Variants in TBC1D32 observed in about 807,000 individuals in gnomAD.
The protein encoded by TBC1D32 is protein broad-minded.
A neutral mutation model predicts 170.3 loss-of-function variants in TBC1D32; 151 were observed. The ratio of observed to expected loss-of-function variants is 0.89; its 90% CI spans 0.78 to 1.01. TBC1D32 has a LOEUF of 1.01. Among genes scored for constraint, TBC1D32 ranks in the 50% least tolerant of loss-of-function variants. The probability of loss-of-function intolerance (pLI) is 0.00; values close to 1 mark genes in which losing one functional copy is unlikely to be tolerated. For missense variants in TBC1D32, 1,464 were observed against 1,457.1 expected (o/e 1.00, Z -0.08); for synonymous variants, 498 against 488.0 (o/e 1.02, Z -0.27).
At chr6:121,169,323 A>T (rs1381257968) in intron 22 of TBC1D32, among the ~76,000 whole-genome samples, 1 of 152,192 alleles carries the variant, frequency 6.6e-6, no homozygotes, top group Non-Finnish European at 1.5e-5. Flanking sequence ...TGAGGAAAGG[A>T]TTCTCTACTT....
At chr6:121,287,508 C>A (rs1398717521) in intron 12 of TBC1D32, among the ~76,000 whole-genome samples, 1 of 152,056 alleles carries the variant, frequency 6.6e-6, no homozygotes, top group Non-Finnish European at 1.5e-5. Context: ...TAAAGAAAGT[C>A]CTTAGAGACC....
At chr6:121,298,188 G>C (rs1289275136) in intron 10 of TBC1D32, among the ~76,000 whole-genome samples, 1 of 151,966 alleles carries the variant, frequency 6.6e-6, no homozygotes, top group Admixed American at 6.6e-5. Context: ...TGTAAATGTA[G>C]GAAAGCTTTT....
chr6:121,143,840 A>G (rs1258128835), intron 24 of TBC1D32, among the ~76,000 whole-genome samples: 1 of 152,098 alleles, frequency 6.6e-6, no homozygotes, highest in Non-Finnish European at 1.5e-5. Flanking sequence ...GAGTTCACAG[A>G]AAAAGCATCA....
intron 1 of TBC1D32, among the ~76,000 whole-genome samples, chr6:121,328,602 A>G (rs986651268): frequency 6.6e-6 from 1 of 151,998 alleles, no homozygotes; most frequent in Non-Finnish European, 1.5e-5. Flanking sequence ...TTTAAGATAT[A>G]GTCTGTACAA....
chr6:121,082,754 T>C (rs74826756), intron 31 of TBC1D32, among the ~76,000 whole-genome samples: 3,764 of 152,036 alleles, frequency 0.025, 168 homozygotes, highest in East Asian at 0.13. Context: ...TTTAAATATA[T>C]TTTTTCCTCA....
chr6:121,286,935 T>C (rs1803946975), intron 12 of TBC1D32, among the ~76,000 whole-genome samples: 1 of 152,150 alleles, frequency 6.6e-6, no homozygotes, highest in African/African-American at 2.4e-5. Context: ...TAAAATTCTT[T>C]ACAGACAAGC....
chr6:121,320,515 A>C lies in TBC1D32; in HGVS notation c.317+1118T>G, dbSNP rs771396427. Among the ~76,000 whole-genome samples the C allele has an allele frequency of 2.0e-5, 3 of 152,272 alleles. No homozygotes were observed. In the East Asian group the frequency reaches 5.8e-4, roughly 29 times the overall value. On this transcript the variant is annotated intron_variant, in intron 2 of 31. Transcript: ENST00000398212. The stretch of plus-strand genomic sequence containing the variant: ...TCCTTCTAGAATTAAGTTTAATGAT[A>C]CTGCTAGAAACAGACTTACTAGGAA...
At chr6:121,294,751 G>T in intron 10 of TBC1D32, 91 bp from the exon 11 acceptor site, 1 of 1,016,216 alleles carries the variant, frequency 9.8e-7, no homozygotes, top group Non-Finnish European at 1.5e-6. Flanking sequence ...AAAATACTTT[G>T]GAGAAATATT....
At chr6:121,285,180 C>T (rs1803604511) in intron 12 of TBC1D32, among the ~76,000 whole-genome samples, 1 of 152,100 alleles carries the variant, frequency 6.6e-6, no homozygotes, top group South Asian at 2.1e-4. Context: ...AAACCATGCC[C>T]AGATTCAATG....
At chr6:121,232,103 T>C (rs561677539) in intron 20 of TBC1D32, among the ~76,000 whole-genome samples, 1 of 152,266 alleles carries the variant, frequency 6.6e-6, no homozygotes, top group Admixed American at 6.5e-5. Context: ...TTTTTCTATA[T>C]AAGGTGAGAG....
intron 15 of TBC1D32, among the ~76,000 whole-genome samples, chr6:121,272,010 G>A (rs1310745477): frequency 2.0e-5 from 3 of 152,096 alleles, no homozygotes; most frequent in East Asian, 1.9e-4. Context: ...ATGGGGAAAC[G>A]ATTCCCTATT....
intron 24 of TBC1D32, among the ~76,000 whole-genome samples, chr6:121,132,263 T>C (rs1781515818): frequency 6.6e-6 from 1 of 152,006 alleles, no homozygotes. Flanking sequence ...GCATATTGAT[T>C]ATTTAAATTA....
chr6:121,149,614 AT>A (rs1255103306), intron 24 of TBC1D32, among the ~76,000 whole-genome samples: 3 of 152,154 alleles, frequency 2.0e-5, no homozygotes, highest in Admixed American at 6.5e-5. Context: ...CCATTGGTCT[AT>A]ATATTTGTTT....
chr6:121,090,548 CTT>C (rs1333021044), intron 31 of TBC1D32, among the ~76,000 whole-genome samples: 1 of 151,900 alleles, frequency 6.6e-6, no homozygotes, highest in Admixed American at 6.6e-5. Flanking sequence ...ATAAATTAAA[CTT>C]TTATTGACCA....
intron 26 of TBC1D32, among the ~76,000 whole-genome samples, chr6:121,126,134 A>C (rs1207014662): frequency 6.6e-6 from 1 of 152,238 alleles, no homozygotes; most frequent in African/African-American, 2.4e-5. Flanking sequence ...GACATTGCTT[A>C]AGGCAAAACA....
chr6:121,274,175 A>C (rs886267674), intron 15 of TBC1D32, among the ~76,000 whole-genome samples: 2 of 152,092 alleles, frequency 1.3e-5, no homozygotes, highest in Admixed American at 6.5e-5. Context: ...TCTACTAAAA[A>C]TACAAAAATG....
chr6:121,149,856 C>A (rs907141886), intron 24 of TBC1D32, among the ~76,000 whole-genome samples: 3 of 152,126 alleles, frequency 2.0e-5, no homozygotes, highest in African/African-American at 7.2e-5. Flanking sequence ...GCAGTATGGC[C>A]ATTTTCATGA....
rs1281773247 is a variant in TBC1D32 at position 121,080,720 on chromosome 6, G to C, written c.*51C>G. On this transcript the variant is annotated 3_prime_UTR_variant, in exon 32 of 32. Coordinates refer to ENST00000398212, the MANE Select transcript of TBC1D32 (RefSeq NM_152730.6). The stretch of plus-strand genomic sequence containing the variant: ...ACACAGAAAAACATCAAGCCCCCCT[G>C]CTGTGTTTAAAAATAAATAAAACCT... 3 of 1,570,690 alleles carry C rather than the reference G, an allele frequency of 1.9e-6. No homozygotes were observed. Among genetic ancestry groups the C allele is most frequent in the Non-Finnish European group, 2.6e-6 (3 of 1,160,196 alleles).
Position 121,317,517 on chromosome 6 carries a change from T to C in TBC1D32, c.473A>G (p.Asp158Gly), listed in dbSNP as rs777810187. ...CACCTGATTCAATGATGAATCACTA[T>C]CAGAGCAATTGTCTGTGCGGTAACT... ...SHSYRTDNCS[D>G]SDSSLNQSYK... Residue 158 changes from aspartate to glycine, a missense_variant, in exon 3 of 32, where the codon GAT becomes GGT. This residue lies in a region of TBC1D32 where 1,363 missense variants were observed against 1,338.1 expected (regional missense o/e 1.02). Coordinates refer to ENST00000398212, the MANE Select transcript of TBC1D32 (RefSeq NM_152730.6). The C allele has an allele frequency of 5.2e-5, 83 of 1,606,424 alleles. No individual in the cohort carries two copies. Among genetic ancestry groups the C allele is most frequent in the Non-Finnish European group, 7.0e-5 (82 of 1,176,892 alleles).
Sources: allele counts gnomAD v4.1 joint callset (sites outside exome capture counted in the v4.1 genomes callset), GRCh38; gene constraint gnomAD v4.1.1; regional missense constraint gnomAD v4.1.1; transcripts MANE v1.5; gene names NCBI Gene and HGNC (gene_info 2026-07-23, HGNC 2026-07-21).